The following LOXHD1 variants were observed in gnomAD, a reference collection of about 807,000 sequenced individuals.
LOXHD1 encodes lipoxygenase homology domain-containing protein 1.
In LOXHD1, 205 loss-of-function variants were observed where a neutral mutation model predicts 248.2. The observed-to-expected ratio is 0.83, with a 90% CI of 0.74 to 0.93. The LOEUF is 0.93. Ranked by LOEUF, LOXHD1 falls within the 40% of genes least tolerant of loss-of-function variation. LOXHD1 has a pLI of 0.00. For synonymous variants in LOXHD1, 1,113 were observed against 1,162.8 expected, an observed-to-expected ratio of 0.96 and a Z score of 0.87; for missense variants, 2,930 against 2,971.6, an observed-to-expected ratio of 0.99 and a Z score of 0.33.
chr18:46,618,254 A>G lies in LOXHD1; in HGVS notation c.548T>C (p.Val183Ala), dbSNP rs2038617630. Residue 183 changes from valine to alanine, a missense_variant, in exon 5 of 41, where the codon GTA (valine) becomes GCA (alanine). By Grantham distance (64) the Val-to-Ala change is moderately conservative. Coordinates refer to ENST00000642948, the MANE Select transcript of LOXHD1 (RefSeq NM_001384474.1). The part of the protein sequence containing the change: ...KYEVKVYTGD[V>A]IGAGTDADVF... Reference sequence around the variant, plus strand: ...ATCAGCATCTGTCCCTGCACCAATTACATCACCAGTGTATACCTTGACTTC... The same window carrying G: ...ATCAGCATCTGTCCCTGCACCAATTGCATCACCAGTGTATACCTTGACTTC... 3 of 1,551,498 alleles carry G rather than the reference A, an allele frequency of 1.9e-6. No homozygotes were observed. In the South Asian group the frequency reaches 3.6e-5, roughly 18 times the overall value.
At chr18:46,481,502 C>G (rs536242786) in intron 40 of LOXHD1, among the ~76,000 whole-genome samples, 4 of 152,300 alleles carry the variant, frequency 2.6e-5, no homozygotes, top group African/African-American at 9.6e-5. Flanking sequence ...TACCCTAGAC[C>G]CTATAGAGCA....
At chr18:46,546,272 TCATTCCATTCTACTCCACTCTACTC>T (rs1242485551) in intron 22 of LOXHD1, among the ~76,000 whole-genome samples, 2 of 149,996 alleles carry the variant, frequency 1.3e-5, no homozygotes, top group African/African-American at 2.5e-5. Context: ...GTGGCTACAC[TCATTCCATTCTACTCCACTCTACTC>T]CATTCCATTC....
chr18:46,635,849 G>A (rs2038886182), intron 4 of LOXHD1, among the ~76,000 whole-genome samples: 1 of 152,118 alleles, frequency 6.6e-6, no homozygotes, highest in South Asian at 2.1e-4. Flanking sequence ...CAAAACTCTT[G>A]AAGATGAAAT....
At chr18:46,610,723 A>G (rs780833877) in intron 6 of LOXHD1, 53 bp downstream of exon 6, 6 of 1,498,058 alleles carry the variant, frequency 4.0e-6, no homozygotes, top group Non-Finnish European at 5.3e-6. Context: ...CTGAAGAACA[A>G]GAAGGCCCCC....
At chr18:46,491,576 G>A (rs756711748) in intron 37 of LOXHD1, among the ~76,000 whole-genome samples, 14 of 152,224 alleles carry the variant, frequency 9.2e-5, no homozygotes, top group Non-Finnish European at 1.6e-4. Context: ...GATTGCATGC[G>A]TGAGTGTGAG....
At chr18:46,560,828 C>T (rs1239399638) in intron 18 of LOXHD1, among the ~76,000 whole-genome samples, 1 of 150,312 alleles carries the variant, frequency 6.7e-6, no homozygotes, top group Non-Finnish European at 1.5e-5. Context: ...ACACATATGC[C>T]TGCACGTATA....
chr18:46,511,090 G>A (rs2034930653), intron 34 of LOXHD1, among the ~76,000 whole-genome samples: 1 of 152,130 alleles, frequency 6.6e-6, no homozygotes, highest in African/African-American at 2.4e-5. Context: ...TTTTATGGTG[G>A]GACAGGTGTA....
intron 37 of LOXHD1, among the ~76,000 whole-genome samples, chr18:46,492,578 T>C (rs1317106173): frequency 1.3e-5 from 2 of 152,196 alleles, no homozygotes; most frequent in African/African-American, 4.8e-5. Context: ...TGGAGATTAT[T>C]ACGATTTAAG....
intron 27 of LOXHD1, among the ~76,000 whole-genome samples, 191 bp from the exon 28 acceptor site, chr18:46,533,515 G>C (rs1336738753): frequency 2.0e-5 from 3 of 152,178 alleles, no homozygotes; most frequent in African/African-American, 4.8e-5. Context: ...AACCACATCA[G>C]AGTTTGGCTC....
At chr18:46,579,891 C>T (rs763384232) in intron 12 of LOXHD1, 107 bp from the exon 13 acceptor site, 79 of 1,347,078 alleles carry the variant, frequency 5.9e-5, no homozygotes, top group Non-Finnish European at 7.2e-5. Context: ...TTCTAGTTCT[C>T]ATCTGGGCTG....
At chr18:46,608,093 G>C (rs9948914) in intron 6 of LOXHD1, among the ~76,000 whole-genome samples, 1,665 of 149,804 alleles carry the variant, frequency 0.011, 28 homozygotes, top group African/African-American at 0.038. Context: ...AGGAAGGAAG[G>C]GCGGGCAGGC....
In LOXHD1 at chr18:46,603,570, T is replaced by G. The variant is rs568460360; in HGVS notation, c.883+536A>C. ...TGGGAGTTGGAAGTTTTCTGTGGAA[T>G]TCATACAGGTTAGGGCTTTAGGAAG... On this transcript the variant is annotated intron_variant, in intron 7 of 40. Coordinates refer to ENST00000642948, the MANE Select transcript of LOXHD1 (RefSeq NM_001384474.1). Among the ~76,000 whole-genome samples, 3 of 152,308 alleles carry G rather than the reference T, an allele frequency of 2.0e-5. No individual in the cohort carries two copies. In the South Asian group the frequency reaches 6.2e-4, roughly 32 times the overall value.
chr18:46,546,417 C>G (rs1169850782), intron 22 of LOXHD1, among the ~76,000 whole-genome samples: 1 of 151,814 alleles, frequency 6.6e-6, no homozygotes, highest in African/African-American at 2.4e-5. Flanking sequence ...CTACTCCACT[C>G]CACTCCATTC....
At chr18:46,647,524 C>G (rs1599075118) in intron 2 of LOXHD1, among the ~76,000 whole-genome samples, 1 of 152,164 alleles carries the variant, frequency 6.6e-6, no homozygotes, top group Non-Finnish European at 1.5e-5. Flanking sequence ...TGAGGCTTCT[C>G]CCTACAGCAG....
intron 12 of LOXHD1, among the ~76,000 whole-genome samples, chr18:46,585,527 T>C (rs1045499783): frequency 4.0e-4 from 61 of 152,162 alleles, no homozygotes; most frequent in Admixed American, 3.9e-4. Context: ...CAAAATATTT[T>C]TGAAAGAAAA....
chr18:46,632,953 A>G (rs2038846136), intron 4 of LOXHD1, among the ~76,000 whole-genome samples: 1 of 152,176 alleles, frequency 6.6e-6, no homozygotes, highest in African/African-American at 2.4e-5. Flanking sequence ...ACTGATTCAC[A>G]TGGGGATGAG....
intron 21 of LOXHD1, among the ~76,000 whole-genome samples, chr18:46,551,431 C>G (rs558140130): frequency 3.8e-4 from 58 of 152,266 alleles, no homozygotes; most frequent in African/African-American, 1.3e-3. Context: ...TTAGCCACCA[C>G]TCTTTCCTTG....
chr18:46,525,669 A>G (rs907636126), intron 29 of LOXHD1, among the ~76,000 whole-genome samples: 2 of 152,122 alleles, frequency 1.3e-5, no homozygotes, highest in Admixed American at 1.3e-4. Flanking sequence ...TGGGGCCAAG[A>G]CAGAGTTTGA....
At chr18:46,544,095 A>G (rs572995035) in intron 23 of LOXHD1, among the ~76,000 whole-genome samples, 9 of 152,276 alleles carry the variant, frequency 5.9e-5, no homozygotes, top group East Asian at 3.9e-4. Flanking sequence ...CTGTACCCCA[A>G]TAAGTCCCAG....
Sources: gnomAD v4.1 joint callset for allele counts (sites outside exome capture counted in the v4.1 genomes callset) on GRCh38, gnomAD v4.1.1 for gene constraint, MANE v1.5 for transcripts, NCBI Gene and HGNC (gene_info 2026-07-23, HGNC 2026-07-21) for gene names.